Variants in LRP1B observed in about 807,000 individuals in gnomAD.
LRP1B encodes low-density lipoprotein receptor-related protein 1B.
Under a neutral mutation model 556.6 loss-of-function variants are expected in LRP1B, and 217 were observed. That is an observed-to-expected ratio of 0.39 (90% CI 0.35 to 0.44). LRP1B has a LOEUF of 0.44. Ranked by LOEUF, LRP1B falls within the 20% of genes least tolerant of loss-of-function variation. The pLI, the probability that LRP1B is intolerant of heterozygous loss-of-function variation, is 1.00. For synonymous variants in LRP1B, 2,047 were observed against 1,865.8 expected (o/e 1.10, Z -2.50); for missense variants, 5,053 against 5,620.8 (o/e 0.90, Z 3.23).
intron 2 of LRP1B, among the ~76,000 whole-genome samples, chr2:141,790,386 A>T (rs905654960): frequency 6.6e-6 from 1 of 151,718 alleles, no homozygotes; most frequent in Admixed American, 6.6e-5. Context: ...TCTCAGATAT[A>T]CTTCAGAGCA....
chr2:140,807,350 CT>C (rs979475642), intron 32 of LRP1B, among the ~76,000 whole-genome samples: 27 of 150,180 alleles, frequency 1.8e-4, no homozygotes, highest in African/African-American at 5.6e-4. Context: ...TATTTATTTA[CT>C]TTTTTTTTAG....
intron 7 of LRP1B, among the ~76,000 whole-genome samples, chr2:141,187,184 T>C (rs1224949394): frequency 6.6e-6 from 1 of 152,082 alleles, no homozygotes; most frequent in Non-Finnish European, 1.5e-5. Context: ...TGCAGTCAGA[T>C]TGAGTCAAGT....
chr2:140,826,554 G>A (rs1362355104), intron 31 of LRP1B, among the ~76,000 whole-genome samples: 1 of 152,140 alleles, frequency 6.6e-6, no homozygotes, highest in Non-Finnish European at 1.5e-5. Context: ...GATCCCTGAA[G>A]CCATAGAGAA....
At chr2:141,869,254 G>GA (rs1424024757) in intron 1 of LRP1B, among the ~76,000 whole-genome samples, 1 of 151,926 alleles carries the variant, frequency 6.6e-6, no homozygotes, top group Non-Finnish European at 1.5e-5. Flanking sequence ...TTACTGCAAT[G>GA]AAAAAATATT....
intron 7 of LRP1B, among the ~76,000 whole-genome samples, chr2:141,101,378 G>A (rs564065088): frequency 1.5e-4 from 23 of 152,204 alleles, no homozygotes; most frequent in African/African-American, 5.1e-4. Flanking sequence ...AAAGCCACAT[G>A]AGTCTATTAT....
At chr2:141,122,876 T>C (rs963738129) in intron 7 of LRP1B, among the ~76,000 whole-genome samples, 3 of 151,988 alleles carry the variant, frequency 2.0e-5, no homozygotes, top group Non-Finnish European at 4.4e-5. Context: ...ATAGACTGGA[T>C]TAAGAAAATG....
rs540714029 is a variant in LRP1B at position 141,809,126 on chromosome 2, A to T, written c.205+1153T>A. ...GTGAAAATTAGAAATGCAGCAGTAA[A>T]TGACTATAAACTCTTCCTGTGGAAA... On this transcript the variant is annotated intron_variant, in intron 2 of 90. Coordinates refer to ENST00000389484, the MANE Select transcript of LRP1B (RefSeq NM_018557.3). 2.0e-5 allele frequency among the ~76,000 whole-genome samples: 3 copies of T among 152,250 alleles called. No homozygotes were observed. In the East Asian group the frequency reaches 5.8e-4, roughly 29 times the overall value.
At chr2:141,157,779 T>C (rs914435146) in intron 7 of LRP1B, among the ~76,000 whole-genome samples, 5 of 152,174 alleles carry the variant, frequency 3.3e-5, no homozygotes, top group Non-Finnish European at 7.4e-5. Flanking sequence ...TAAAAGCTTA[T>C]GTAGGAACTT....
chr2:141,208,024 C>T (rs1682360726), intron 6 of LRP1B: 1 of 152,202 alleles, frequency 6.6e-6, no homozygotes, highest in Admixed American at 6.5e-5. Flanking sequence ...GAAAATTAGA[C>T]TCATAGTTGG....
At chr2:141,247,424 AT>A in intron 4 of LRP1B, 70 bp from the exon 5 acceptor site, 1 of 1,569,532 alleles carries the variant, frequency 6.4e-7, no homozygotes, top group Non-Finnish European at 8.7e-7. Context: ...CTTGAAGAAA[AT>A]ATTATTTTTG....
At chr2:140,274,342 A>G in intron 85 of LRP1B, 82 bp downstream of exon 85, 7 of 1,261,392 alleles carry the variant, frequency 5.5e-6, no homozygotes, top group Non-Finnish European at 8.0e-6. Flanking sequence ...AACAATCTAC[A>G]AAGTTTTTAC....
chr2:141,247,917 C>T (rs1684125547), intron 4 of LRP1B, among the ~76,000 whole-genome samples: 1 of 152,070 alleles, frequency 6.6e-6, no homozygotes, highest in Non-Finnish European at 1.5e-5. Context: ...TTAGAAACTT[C>T]CTGTAATAGG....
intron 2 of LRP1B, among the ~76,000 whole-genome samples, chr2:141,563,543 C>T (rs1203479329): frequency 6.6e-6 from 1 of 151,928 alleles, no homozygotes; most frequent in African/African-American, 2.4e-5. Flanking sequence ...AAGAGGGCTA[C>T]TGACATTTTA....
In LRP1B at chr2:141,693,226, G is replaced by A. The variant is rs111523560; in HGVS notation, c.205+117053C>T. Among the ~76,000 whole-genome samples the A allele has an allele frequency of 1.6e-3, 236 of 151,850 alleles. 1 individual carries two copies. Among genetic ancestry groups the A allele is most frequent in the African/African-American group, 5.4e-3 (223 of 41,428 alleles). ...AGCAATTAGCATTTTTTTCTTGCCC[G>A]TAATTATTACTCAGAAAATATCTGT... On this transcript the variant is annotated intron_variant, in intron 2 of 90. Transcript: ENST00000389484.
chr2:141,425,820 G>A (rs1416201566), intron 3 of LRP1B, among the ~76,000 whole-genome samples: 1 of 149,768 alleles, frequency 6.7e-6, no homozygotes, highest in Non-Finnish European at 1.5e-5. Flanking sequence ...CTGGATATTA[G>A]CCCTTTGTCA....
At chr2:142,125,005 G>T (rs1229691156) in intron 1 of LRP1B, among the ~76,000 whole-genome samples, 1 of 151,640 alleles carries the variant, frequency 6.6e-6, no homozygotes, top group Non-Finnish European at 1.5e-5. Flanking sequence ...ATGTGGGCTT[G>T]TATAGAGATA....
At chr2:141,304,009 A>T (rs1435402062) in intron 3 of LRP1B, among the ~76,000 whole-genome samples, 1 of 152,102 alleles carries the variant, frequency 6.6e-6, no homozygotes, top group Non-Finnish European at 1.5e-5. Flanking sequence ...TTCCCTGATG[A>T]TTAGTGATGT....
At chr2:141,208,638 C>G (rs1458235043) in intron 6 of LRP1B, among the ~76,000 whole-genome samples, 2 of 151,714 alleles carry the variant, frequency 1.3e-5, no homozygotes, top group Non-Finnish European at 2.9e-5. Flanking sequence ...GAGGCGGAGG[C>G]AGGTAGATCA....
At chr2:140,890,505 T>C (rs1693766409) in intron 23 of LRP1B, among the ~76,000 whole-genome samples, 2 of 152,164 alleles carry the variant, frequency 1.3e-5, no homozygotes, top group Admixed American at 6.5e-5. Flanking sequence ...TTGTATTCTT[T>C]ATAGTCATTT....
Sources: gnomAD v4.1 joint callset for allele counts (sites outside exome capture counted in the v4.1 genomes callset) on GRCh38, gnomAD v4.1.1 for gene constraint, MANE v1.5 for transcripts, NCBI Gene and HGNC (gene_info 2026-07-23, HGNC 2026-07-21) for gene names.